The following ZMYND12 variants were observed in gnomAD, a reference collection of about 807,000 sequenced individuals.
ZMYND12 encodes zinc finger MYND-type containing 12.
Under a neutral mutation model 41.7 loss-of-function variants are expected in ZMYND12, and 32 were observed. The observed-to-expected ratio is 0.77, with a 90% CI of 0.58 to 1.03. The LOEUF (loss-of-function observed/expected upper bound fraction) is 1.03. Among genes scored for constraint, ZMYND12 ranks in the 50% least tolerant of loss-of-function variants. The probability of loss-of-function intolerance (pLI) is 0.00; values close to 1 mark genes in which losing one functional copy is unlikely to be tolerated. For synonymous variants in ZMYND12, 148 were observed against 164.8 expected, an observed-to-expected ratio of 0.90 and a Z score of 0.78; for missense variants, 424 against 438.5, an observed-to-expected ratio of 0.97 and a Z score of 0.30.
chr1:42,430,442 T>G lies in ZMYND12; in HGVS notation c.*294A>C. The G allele has an allele frequency of 3.5e-6, 1 of 282,032 alleles. No individual in the cohort carries two copies. The highest frequency in any genetic ancestry group is 2.1e-5 in the African/African-American group (1 of 47,176). 17.5% of individuals were successfully genotyped at this position (282,032 alleles called of 1,614,324 possible). ...GGGAAATGACAAACTATTTGTAGTT[T>G]AATTACAAATACCATATTAGTGATC... On this transcript the variant is annotated 3_prime_UTR_variant, in exon 8 of 8. Transcript: ENST00000372565.
At position 42,430,855 on chromosome 1, in the gene ZMYND12, G is replaced by A. The variant is rs141016380; in HGVS notation, c.979C>T (p.Gln327Ter). Reference protein sequence around the residue: ...YYLMMNSSKAQEYGMRALSLA... With the variant: ...YYLMMNSSKA ...CTGAGGGCCCTCATGCCATATTCCT[G>A]TGCCTGAAATAGAATTGCAGTGACA... The change falls in exon 8 of 8, where the codon CAG (glutamine) becomes TAG (stop). Residue 327 changes from glutamine (Q) to a stop codon, truncating the protein, a stop_gained. Coordinates refer to ENST00000372565, the MANE Select transcript of ZMYND12 (RefSeq NM_032257.5). LOFTEE classifies it low-confidence loss of function (END_TRUNC). The A allele has an allele frequency of 6.2e-7, 1 of 1,613,764 alleles. No individual in the cohort carries two copies. Among genetic ancestry groups the A allele is most frequent in the African/African-American group, 1.3e-5 (1 of 74,902 alleles).
chr1:42,435,416 G>C, intron 5 of ZMYND12, 31 bp from the exon 6 acceptor site: 1 of 1,548,730 alleles, frequency 6.5e-7, no homozygotes, highest in Non-Finnish European at 8.9e-7. Flanking sequence ...AATACAACAA[G>C]CAGGCCAGAC....
At chr1:42,433,004 T>G in intron 7 of ZMYND12, 139 bp downstream of exon 7, 2 of 1,056,044 alleles carry the variant, frequency 1.9e-6, no homozygotes, top group Non-Finnish European at 2.8e-6. Flanking sequence ...AGAAACATCG[T>G]GAGCATCTGA....
At chr1:42,443,809 A>G (rs1642994194) in intron 3 of ZMYND12, among the ~76,000 whole-genome samples, 1 of 152,182 alleles carries the variant, frequency 6.6e-6, no homozygotes, top group Non-Finnish European at 1.5e-5. Flanking sequence ...ATGATGCTCA[A>G]TGCACACTAA....
At chr1:42,448,343 CA>C (rs1374861059) in intron 3 of ZMYND12, 123 bp downstream of exon 3, 4 of 1,171,152 alleles carry the variant, frequency 3.4e-6, no homozygotes, top group Non-Finnish European at 4.5e-6. Context: ...AACTTTACAG[CA>C]ACCCTGCTCC....
intron 7 of ZMYND12, among the ~76,000 whole-genome samples, chr1:42,431,903 TA>T (rs1160936549): frequency 6.6e-6 from 1 of 152,056 alleles, no homozygotes; most frequent in Non-Finnish European, 1.5e-5. Context: ...TAGTAAAAGT[TA>T]GCTGAAGAAA....
chr1:42,455,952 A>G lies in ZMYND12; in HGVS notation c.46T>C (p.Cys16Arg), dbSNP rs771976053. Reference protein sequence around the residue: ...PLAVPKGRRLCCEVCEAPAER... With the variant: ...PLAVPKGRRLRCEVCEAPAER... ...GCTGGGGCTTCGCACACCTCACAGC[A>G]GAGTCTGCGCCCCTTGGGGACTGCC... The change falls in exon 1 of 8, where the codon TGC becomes CGC. Residue 16 changes from cysteine (C) to arginine (R), a missense_variant. Coordinates refer to ENST00000372565, the MANE Select transcript of ZMYND12 (RefSeq NM_032257.5). 16 of 1,613,630 alleles carry G rather than the reference A, an allele frequency of 9.9e-6. No individual in the cohort carries two copies. Among genetic ancestry groups the G allele is most frequent in the African/African-American group, 5.3e-5 (4 of 74,920 alleles).
At chr1:42,449,604 A>C (rs941687277) in intron 2 of ZMYND12, among the ~76,000 whole-genome samples, 2 of 152,250 alleles carry the variant, frequency 1.3e-5, no homozygotes, top group East Asian at 3.8e-4. Context: ...GAGAGGCCTC[A>C]GAAGAAACCA....
intron 6 of ZMYND12, among the ~76,000 whole-genome samples, chr1:42,434,255 G>A (rs1345466486): frequency 6.6e-6 from 1 of 152,176 alleles, no homozygotes; most frequent in East Asian, 1.9e-4. Flanking sequence ...ATGCTGTACG[G>A]TACTATTCAA....
intron 6 of ZMYND12, among the ~76,000 whole-genome samples, 172 bp from the exon 7 acceptor site, chr1:42,433,460 A>G (rs74068435): frequency 0.017 from 2,591 of 152,252 alleles, 68 homozygotes; most frequent in African/African-American, 0.058. Context: ...TCCAGGTGCA[A>G]AGCAGGAAGC....
At chr1:42,438,340 A>G (rs1642929778) in intron 4 of ZMYND12, among the ~76,000 whole-genome samples, 2 of 152,190 alleles carry the variant, frequency 1.3e-5, no homozygotes, top group South Asian at 4.1e-4. Flanking sequence ...CTACGAGTAA[A>G]ACCAACAAAG....
intron 1 of ZMYND12, among the ~76,000 whole-genome samples, chr1:42,453,931 G>C (rs973768068): frequency 6.6e-6 from 1 of 152,172 alleles, no homozygotes; most frequent in Non-Finnish European, 1.5e-5. Flanking sequence ...ATAGACATCA[G>C]ACAAGCAAAC....
At chr1:42,449,796 A>G in intron 2 of ZMYND12, 122 bp downstream of exon 2, 1 of 1,233,786 alleles carries the variant, frequency 8.1e-7, no homozygotes, top group South Asian at 1.5e-5. Flanking sequence ...TTAAAAAGAT[A>G]TAAAACAAAG....
chr1:42,443,134 T>G (rs1642987203), intron 3 of ZMYND12, among the ~76,000 whole-genome samples: 1 of 152,206 alleles, frequency 6.6e-6, no homozygotes, highest in Non-Finnish European at 1.5e-5. Context: ...AAGGCCCAGC[T>G]GAACCAGCAT....
At position 42,436,485 on chromosome 1, in the gene ZMYND12, A is replaced by G. The variant is rs1340254715; in HGVS notation, c.653T>C (p.Phe218Ser). Residue 218 changes from phenylalanine (F) to serine (S), a missense_variant, in exon 5 of 8, where the codon TTC becomes TCC. Physicochemically the swap from Phe to Ser is radical, Grantham distance 155. Coordinates refer to ENST00000372565, the MANE Select transcript of ZMYND12 (RefSeq NM_032257.5). ...GTCATAGAATATATTAGCCAGGTGGAAGTAGCCTCCTGAAGTCCTAATGTC... is the reference window on the plus strand; with the variant it reads ...GTCATAGAATATATTAGCCAGGTGGGAGTAGCCTCCTGAAGTCCTAATGTC... The part of the protein sequence containing the change: ...TEDIRTSGGY[F>S]HLANIFYDLK... 2 of 1,613,684 alleles carry G rather than the reference A, an allele frequency of 1.2e-6. No individual in the cohort carries two copies. Among genetic ancestry groups the G allele is most frequent in the African/African-American group, 2.7e-5 (2 of 74,926 alleles).
At chr1:42,436,047 C>T (rs138807654) in intron 5 of ZMYND12, among the ~76,000 whole-genome samples, 2 of 152,314 alleles carry the variant, frequency 1.3e-5, no homozygotes, top group East Asian at 3.9e-4. Context: ...TTGACAGGAT[C>T]TTGTAGCAAC....
At chr1:42,436,363 A>T (rs1642907510) in intron 5 of ZMYND12, 58 bp downstream of exon 5, 3 of 1,604,746 alleles carry the variant, frequency 1.9e-6, no homozygotes, top group Non-Finnish European at 2.6e-6. Context: ...AGTCTAATAC[A>T]AGTTGTAAGA....
In ZMYND12 at chr1:42,433,303, G is replaced by A. The variant is rs1468297302; in HGVS notation, c.830-15C>T. ...TTGGGCTTCATCTGCATTGGAAGGGGAAGAAAGAAAAAACAGGCTCTTGGC... is the reference window on the plus strand; with the variant it reads ...TTGGGCTTCATCTGCATTGGAAGGGAAAGAAAGAAAAAACAGGCTCTTGGC... On this transcript the variant is annotated splice_polypyrimidine_tract_variant and intron_variant, in intron 6 of 7. Coordinates refer to ENST00000372565, the MANE Select transcript of ZMYND12 (RefSeq NM_032257.5). 1 of 1,587,832 alleles carries A rather than the reference G, an allele frequency of 6.3e-7. No homozygotes were observed. The highest frequency in any genetic ancestry group is 8.5e-7 in the Non-Finnish European group (1 of 1,171,792).
chr1:42,435,490 G>A (rs1642896927), intron 5 of ZMYND12, 105 bp from the exon 6 acceptor site: 10 of 854,468 alleles, frequency 1.2e-5, no homozygotes, highest in Non-Finnish European at 2.0e-5. Flanking sequence ...GGACAACCTG[G>A]AGGTTCTCTC....
Sources: allele counts gnomAD v4.1 joint callset (sites outside exome capture counted in the v4.1 genomes callset), GRCh38; gene constraint gnomAD v4.1.1; transcripts MANE v1.5; gene names NCBI Gene and HGNC (gene_info 2026-07-23, HGNC 2026-07-21).